Variants in PDE1C observed in about 807,000 individuals in gnomAD.
PDE1C encodes the protein phosphodiesterase 1C, also known as dual specificity calcium/calmodulin-dependent 3',5'-cyclic nucleotide phosphodiesterase 1C.
A neutral mutation model predicts 93.1 loss-of-function variants in PDE1C; 62 were observed. The observed-to-expected ratio is 0.67, with a 90% confidence interval of 0.54 to 0.82. The LOEUF is 0.82. Ranked by LOEUF, PDE1C falls within the 40% of genes least tolerant of loss-of-function variation. The probability of loss-of-function intolerance (pLI) is 0.00; values close to 1 mark genes in which losing one functional copy is unlikely to be tolerated. For missense variants in PDE1C, 742 were observed against 884.6 expected, an observed-to-expected ratio of 0.84 and a Z score of 2.04; for synonymous variants, 325 against 310.1, an observed-to-expected ratio of 1.05 and a Z score of -0.50.
intron 1 of PDE1C, among the ~76,000 whole-genome samples, chr7:32,307,978 G>C (rs1448608545): frequency 2.0e-5 from 3 of 152,342 alleles, no homozygotes; most frequent in Non-Finnish European, 4.4e-5. Flanking sequence ...CCCTTTCCTA[G>C]TCAAAGAATG....
intron 17 of PDE1C, among the ~76,000 whole-genome samples, chr7:31,760,294 GA>G (rs1337546855): frequency 6.6e-6 from 1 of 152,164 alleles, no homozygotes; most frequent in Non-Finnish European, 1.5e-5. Flanking sequence ...AACGCCTTCA[GA>G]AAAATGGAAT....
chr7:31,866,683 A>C (rs1416678787), intron 6 of PDE1C, among the ~76,000 whole-genome samples: 1 of 152,218 alleles, frequency 6.6e-6, no homozygotes, highest in Non-Finnish European at 1.5e-5. Flanking sequence ...CATTTCAAAT[A>C]GATTATCCAA....
At chr7:31,833,606 C>T (rs1790697515) in intron 11 of PDE1C, among the ~76,000 whole-genome samples, 1 of 152,090 alleles carries the variant, frequency 6.6e-6, no homozygotes, top group Admixed American at 6.6e-5. Flanking sequence ...ATGATTCTTG[C>T]TGTGTTTTAG....
chr7:32,046,373 C>A (rs758656870), intron 2 of PDE1C, among the ~76,000 whole-genome samples: 6 of 152,154 alleles, frequency 3.9e-5, no homozygotes, highest in Non-Finnish European at 7.4e-5. Context: ...TGGAGGCTCA[C>A]TTTATAATCT....
intron 2 of PDE1C, among the ~76,000 whole-genome samples, chr7:31,933,051 A>G (rs1472518508): frequency 6.6e-6 from 1 of 151,984 alleles, no homozygotes; most frequent in African/African-American, 2.4e-5. Context: ...AACATCACAC[A>G]CTGGGATCTG....
chr7:31,696,371 G>A, the PDE1C span, among the ~76,000 whole-genome samples: 2 of 152,184 alleles, frequency 1.3e-5, no homozygotes, highest in East Asian at 1.9e-4. Context: ...GAAATATGCA[G>A]TAAGAAGTGA....
chr7:32,260,455 A>G (rs1169218905), intron 1 of PDE1C, among the ~76,000 whole-genome samples: 1 of 152,226 alleles, frequency 6.6e-6, no homozygotes, highest in African/African-American at 2.4e-5. Context: ...CCCCCGTGAA[A>G]CATGGCCCTC....
At chr7:32,423,250 A>C (rs1372436767) in intron 1 of PDE1C, among the ~76,000 whole-genome samples, 1 of 152,152 alleles carries the variant, frequency 6.6e-6, no homozygotes, top group East Asian at 1.9e-4. Flanking sequence ...GGTGGCTTCC[A>C]CCTGTGGTCC....
intron 17 of PDE1C, among the ~76,000 whole-genome samples, chr7:31,765,744 A>T (rs542600005): frequency 8.5e-5 from 13 of 152,346 alleles, no homozygotes; most frequent in Middle Eastern, 3.4e-3. Context: ...TTCACTTAAA[A>T]GATAGTGCAG....
chr7:32,111,546 T>C (rs775827639), intron 3 of PDE1C, among the ~76,000 whole-genome samples: 78 of 152,226 alleles, frequency 5.1e-4, no homozygotes, highest in African/African-American at 1.8e-3. Context: ...TGGTTGGGAT[T>C]TGGATTCCTC....
intron 7 of PDE1C, among the ~76,000 whole-genome samples, chr7:31,861,177 C>T (rs1283716797): frequency 6.6e-6 from 1 of 152,162 alleles, no homozygotes; most frequent in East Asian, 1.9e-4. Flanking sequence ...CCACTCTCTT[C>T]TTGAAGCATT....
chr7:31,627,891 G>A, the PDE1C span, among the ~76,000 whole-genome samples: 1 of 152,152 alleles, frequency 6.6e-6, no homozygotes, highest in Non-Finnish European at 1.5e-5. Flanking sequence ...ATTGTACTAT[G>A]AGTATCATTC....
chr7:32,321,772 G>A (rs912767618), intron 1 of PDE1C, among the ~76,000 whole-genome samples: 10 of 151,984 alleles, frequency 6.6e-5, no homozygotes, highest in Admixed American at 6.6e-5. Flanking sequence ...TTTTTTCTAC[G>A]AATGCTTCCT....
chr7:32,022,581 T>C (rs1349895319), intron 2 of PDE1C, among the ~76,000 whole-genome samples: 2 of 152,066 alleles, frequency 1.3e-5, no homozygotes, highest in African/African-American at 4.8e-5. Flanking sequence ...TATCTAGGCT[T>C]ATAAGCAGAA....
the PDE1C span, among the ~76,000 whole-genome samples, chr7:31,626,219 A>G: frequency 6.6e-6 from 1 of 152,216 alleles, no homozygotes; most frequent in African/African-American, 2.4e-5. Flanking sequence ...TTAAAAAAGA[A>G]TCATAACATC....
At chr7:31,991,357 G>A (rs1784117032) in intron 2 of PDE1C, among the ~76,000 whole-genome samples, 2 of 152,170 alleles carry the variant, frequency 1.3e-5, no homozygotes, top group African/African-American at 4.8e-5. Context: ...GAGGTGGTAG[G>A]GACAGAGTCA....
chr7:32,134,380 C>T (rs1584827398), intron 3 of PDE1C, among the ~76,000 whole-genome samples: 1 of 152,116 alleles, frequency 6.6e-6, no homozygotes, highest in Non-Finnish European at 1.5e-5. Flanking sequence ...AGACAAAGAC[C>T]TGGGACAGAT....
intron 14 of PDE1C, among the ~76,000 whole-genome samples, chr7:31,817,643 T>C (rs993767329): frequency 6.6e-6 from 1 of 152,214 alleles, no homozygotes; most frequent in Non-Finnish European, 1.5e-5. Context: ...ACATGTGTTT[T>C]AAAATGCTCC....
At chr7:31,625,911 C>T in the PDE1C span, among the ~76,000 whole-genome samples, 1 of 151,842 alleles carries the variant, frequency 6.6e-6, no homozygotes, top group Non-Finnish European at 1.5e-5. Context: ...ATTTCAGATA[C>T]AGGTACACCT....
Sources: gnomAD v4.1 joint callset for allele counts (sites outside exome capture counted in the v4.1 genomes callset) on GRCh38, gnomAD v4.1.1 for gene constraint, MANE v1.5 for transcripts, NCBI Gene and HGNC (gene_info 2026-07-23, HGNC 2026-07-21) for gene names.